Variants in TOX3 observed in about 807,000 individuals in gnomAD.
TOX3 encodes the protein CAG trinucleotide repeat-containing gene F9 protein.
Under a neutral mutation model 64.3 loss-of-function variants are expected in TOX3, and 22 were observed. That is an observed-to-expected ratio of 0.34 (90% CI 0.24 to 0.49). TOX3 has a LOEUF of 0.49. Ranked by LOEUF, TOX3 falls within the 20% of genes least tolerant of loss-of-function variation. The pLI is 0.99. For missense variants in TOX3, 661 were observed against 714.4 expected (o/e 0.93, Z 0.85); for synonymous variants, 291 against 273.6 (o/e 1.06, Z -0.63).
At chr16:52,547,325 C>G (rs1400395125), upstream of TOX3, 2 of 147,008 alleles carry the variant, frequency 1.4e-5, no homozygotes, top group African/African-American at 4.9e-5. Flanking sequence ...CCCCATCACC[C>G]CCGCCGCGGC....
At chr16:52,507,383 G>A (rs1156413861) in intron 1 of TOX3, among the ~76,000 whole-genome samples, 1 of 152,178 alleles carries the variant, frequency 6.6e-6, no homozygotes, top group East Asian at 1.9e-4. Context: ...CACAGTGAGA[G>A]TGAGACCCCA....
intron 1 of TOX3, among the ~76,000 whole-genome samples, chr16:52,494,372 A>C: frequency 6.6e-6 from 1 of 152,144 alleles, no homozygotes. Context: ...CAAGATGGCA[A>C]GGCCTCCACC....
At position 52,439,364 on chromosome 16, in the gene TOX3, C is replaced by G; in HGVS notation, c.1592G>C (p.Arg531Pro). The stretch of plus-strand genomic sequence containing the variant: ...CTGAGAGGCGACAGGGGAGTGCTGC[C>G]GAGGAGAAGGCTGAGACTGGTGCTG... ...HMQHQSQPSP[R>P]QHSPVASQIT... Residue 531 changes from arginine to proline, a missense_variant, in exon 7 of 7, where the codon CGG becomes CCG. By Grantham distance (103) the Arg-to-Pro change is moderately radical. Coordinates refer to ENST00000219746, the MANE Select transcript of TOX3 (RefSeq NM_001080430.4). 3 of 1,607,940 alleles carry G rather than the reference C, an allele frequency of 1.9e-6. No individual in the cohort carries two copies. Among genetic ancestry groups the G allele is most frequent in the Non-Finnish European group, 2.5e-6 (3 of 1,176,584 alleles).
At chr16:52,519,720 G>T in intron 1 of TOX3, 2 of 664,410 alleles carry the variant, frequency 3.0e-6, no homozygotes, top group Non-Finnish European at 4.4e-6. Context: ...CACTTTGGGA[G>T]GCCAACACAG....
chr16:52,450,328 A>T lies in TOX3; in HGVS notation c.627T>A (p.Thr209=), dbSNP rs1960295344. 2 of 1,613,736 alleles carry T rather than the reference A, an allele frequency of 1.2e-6. No individual in the cohort carries two copies. Among genetic ancestry groups the T allele is most frequent in the Non-Finnish European group, 1.7e-6 (2 of 1,179,864 alleles). ...CATTGATGGAGCTGGAAGGGGAGGG[A>T]GTGGCTGATTTGCTTGCTGGAGGTG... ...SPSPPASKSA[T]PSPSSSINEE... The change falls in exon 4 of 7, where the codon ACT becomes ACA. Residue 209 remains threonine, a synonymous_variant. Transcript: ENST00000219746.
At chr16:52,468,161 T>C (rs1960923446) in intron 2 of TOX3, among the ~76,000 whole-genome samples, 1 of 152,234 alleles carries the variant, frequency 6.6e-6, no homozygotes, top group South Asian at 2.1e-4. Context: ...AAGTCACTTC[T>C]AGCCTGGTAT....
At chr16:52,468,484 C>A in intron 2 of TOX3, 25 bp downstream of exon 2, 3 of 1,603,594 alleles carry the variant, frequency 1.9e-6, no homozygotes, top group Non-Finnish European at 2.6e-6. Flanking sequence ...AAAACAGGAA[C>A]AAACACATTA....
At chr16:52,507,044 A>C (rs1962178948) in intron 1 of TOX3, among the ~76,000 whole-genome samples, 1 of 152,218 alleles carries the variant, frequency 6.6e-6, no homozygotes, top group African/African-American at 2.4e-5. Flanking sequence ...CATAGAGTTC[A>C]CATGTAATGT....
At position 52,468,557 on chromosome 16, in the gene TOX3, G is replaced by A. The variant is rs1341054433; in HGVS notation, c.105C>T (p.Asn35=). ...YGYSKFGNNN[N]YMNMAEANNA... ...TGTTCGCCTCAGCCATATTCATATA[G>A]TTATTATTATTTCCAAACTGAAAGA... Residue 35 remains asparagine, a synonymous_variant, in exon 2 of 7, where the codon AAC becomes AAT. Coordinates refer to ENST00000219746, the MANE Select transcript of TOX3 (RefSeq NM_001080430.4). 4.3e-6 allele frequency: 7 copies of A among 1,611,786 alleles called. No individual in the cohort carries two copies. The African/African-American group carries it at 6.7e-5, about 15-fold the overall frequency.
At position 52,439,420 on chromosome 16, in the gene TOX3, CTGCTGCAGCTGCTGCTGCAGCTGCT is replaced by C. The variant is rs781440730; in HGVS notation, c.1511_1535del (p.Gln504ArgfsTer29). 1 of 1,552,138 alleles carries C rather than the reference CTGCTGCAGCTGCTGCTGCAGCTGCT, an allele frequency of 6.4e-7. No homozygotes were observed. On this transcript the variant is annotated frameshift_variant, in exon 7 of 7. Coordinates refer to ENST00000219746, the MANE Select transcript of TOX3 (RefSeq NM_001080430.4). LOFTEE classifies it high-confidence loss of function. ...GTTGCAGCTGCTGCAGCTGGAGGCG[CTGCTGCAGCTGCTGCTGCAGCTGCT>C]GTTGATTAATTTGCTGCTGGAGATG...
intron 1 of TOX3, among the ~76,000 whole-genome samples, chr16:52,502,009 C>T (rs891065337): frequency 2.6e-5 from 4 of 152,192 alleles, no homozygotes; most frequent in Non-Finnish European, 5.9e-5. Context: ...GCAAGTAAAA[C>T]TTGAGCCATG....
At chr16:52,526,937 T>C (rs759485154) in intron 1 of TOX3, among the ~76,000 whole-genome samples, 1 of 152,232 alleles carries the variant, frequency 6.6e-6, no homozygotes, top group Non-Finnish European at 1.5e-5. Context: ...TAACTAGTTA[T>C]GTATTGAGAT....
Position 52,450,340 on chromosome 16 carries a change from G to A in TOX3, c.615C>T (p.Ser205=). The change falls in exon 4 of 7, where the codon AGC becomes AGT. Residue 205 remains serine, a synonymous_variant. Coordinates refer to ENST00000219746, the MANE Select transcript of TOX3 (RefSeq NM_001080430.4). Reference sequence around the variant, plus strand: ...TGGAAGGGGAGGGAGTGGCTGATTTGCTTGCTGGAGGTGAAGGAGATGTGT... The same window carrying A: ...TGGAAGGGGAGGGAGTGGCTGATTTACTTGCTGGAGGTGAAGGAGATGTGT... ...MPHTSPSPPA[S]KSATPSPSSS... is the part of the protein sequence containing the mutation. 1 of 1,613,984 alleles carries A rather than the reference G, an allele frequency of 6.2e-7. No homozygotes were observed. The highest frequency in any genetic ancestry group is 8.5e-7 in the Non-Finnish European group (1 of 1,179,886).
At chr16:52,506,280 A>G (rs927252732) in intron 1 of TOX3, among the ~76,000 whole-genome samples, 1 of 152,140 alleles carries the variant, frequency 6.6e-6, no homozygotes, top group African/African-American at 2.4e-5. Context: ...CACATGTCCA[A>G]AGGTCTAGCT....
At chr16:52,496,478 C>T (rs1056558113) in intron 1 of TOX3, among the ~76,000 whole-genome samples, 2 of 152,166 alleles carry the variant, frequency 1.3e-5, no homozygotes, top group African/African-American at 4.8e-5. Flanking sequence ...AGCATTAAAA[C>T]ATTTCAGATC....
At chr16:52,510,778 A>AAAAAAAAAAAG (rs574634087) in intron 1 of TOX3, among the ~76,000 whole-genome samples, 3 of 115,162 alleles carry the variant, frequency 2.6e-5, no homozygotes, top group African/African-American at 3.5e-5. Flanking sequence ...AAAAAAAAAA[A>AAAAAAAAAAAG]AAGAAGAAGA....
chr16:52,438,585 T>C lies in TOX3; in HGVS notation c.*640A>G. On this transcript the variant is annotated 3_prime_UTR_variant, in exon 7 of 7. Transcript: ENST00000219746. ...GTTACAACATATACTGTGGTTTGAT[T>C]TGGAGAAGTCATGGATAAAAAGTGG... 1 of 182,570 alleles carries C rather than the reference T, an allele frequency of 5.5e-6. No homozygotes were observed. Among genetic ancestry groups the C allele is most frequent in the Non-Finnish European group, 1.1e-5 (1 of 86,968 alleles). 11.3% of individuals were successfully genotyped at this position (182,570 alleles called of 1,614,324 possible). A position where few individuals can be genotyped will look rare whatever the true frequency, so the allele number is the denominator to read the frequency against.
At chr16:52,454,127 G>A (rs1351227770) in intron 3 of TOX3, among the ~76,000 whole-genome samples, 1 of 151,980 alleles carries the variant, frequency 6.6e-6, no homozygotes, top group African/African-American at 2.4e-5. Flanking sequence ...GCATGTCCCG[G>A]CAGAGATAGA....
intron 1 of TOX3, among the ~76,000 whole-genome samples, chr16:52,489,446 C>T (rs114266067): frequency 1.2e-4 from 18 of 152,104 alleles, no homozygotes; most frequent in African/African-American, 4.1e-4. Flanking sequence ...ATGGACATGT[C>T]CCCCGTAGTA....
Sources: gnomAD v4.1 joint callset for allele counts (sites outside exome capture counted in the v4.1 genomes callset) on GRCh38, gnomAD v4.1.1 for gene constraint, MANE v1.5 for transcripts, NCBI Gene and HGNC (gene_info 2026-07-23, HGNC 2026-07-21) for gene names.